The following SNX3 variants were observed in gnomAD, a reference collection of about 807,000 sequenced individuals.
SNX3 encodes sorting nexin 3.
In SNX3, 5 loss-of-function variants were observed where a neutral mutation model predicts 17.7. The observed-to-expected ratio is 0.28, with a 90% confidence interval of 0.15 to 0.59. SNX3 has a LOEUF of 0.59. Among genes scored for constraint, SNX3 ranks in the 20% least tolerant of loss-of-function variants. The probability of loss-of-function intolerance (pLI) is 0.88; values close to 1 mark genes in which losing one functional copy is unlikely to be tolerated. For synonymous variants in SNX3, 91 were observed against 76.5 expected (o/e 1.19, Z -0.99); for missense variants, 132 against 206.8 (o/e 0.64, Z 2.22).
At chr6:108,231,968 T>C (rs1041273181) in intron 1 of SNX3, among the ~76,000 whole-genome samples, 5 of 152,216 alleles carry the variant, frequency 3.3e-5, no homozygotes, top group African/African-American at 9.6e-5. Context: ...ACTTGGATAT[T>C]TGTACTCTTC....
At chr6:108,225,409 C>G (rs574004413) in intron 1 of SNX3, among the ~76,000 whole-genome samples, 1 of 151,244 alleles carries the variant, frequency 6.6e-6, no homozygotes, top group Non-Finnish European at 1.5e-5. Flanking sequence ...CCAGCCTGGG[C>G]AAGAGACCAG....
chr6:108,228,453 GC>G (rs1775038240), intron 1 of SNX3, among the ~76,000 whole-genome samples: 1 of 152,082 alleles, frequency 6.6e-6, no homozygotes. Flanking sequence ...GGATGCTGAG[GC>G]AGAACTGCTT....
intron 1 of SNX3, among the ~76,000 whole-genome samples, chr6:108,248,138 G>C (rs1183259759): frequency 6.6e-6 from 1 of 152,138 alleles, no homozygotes; most frequent in East Asian, 1.9e-4. Flanking sequence ...CCCCTAGCTA[G>C]ACTACTGGCT....
intron 1 of SNX3, among the ~76,000 whole-genome samples, chr6:108,235,070 C>A (rs141500977): frequency 1.2e-4 from 18 of 152,314 alleles, no homozygotes; most frequent in African/African-American, 4.1e-4. Context: ...CTTTGGTAGC[C>A]TACAACAAAC....
intron 1 of SNX3, among the ~76,000 whole-genome samples, chr6:108,249,612 G>C (rs537796798): frequency 1.3e-5 from 2 of 152,164 alleles, no homozygotes; most frequent in South Asian, 4.1e-4. Context: ...TTTCCTTTAT[G>C]TGGGTATTCA....
chr6:108,214,819 G>C (rs1160300100), intron 2 of SNX3, among the ~76,000 whole-genome samples, 197 bp from the exon 3 acceptor site: 1 of 152,176 alleles, frequency 6.6e-6, no homozygotes, highest in East Asian at 1.9e-4. Context: ...TCAGACAAAA[G>C]CTCCTAATTC....
At chr6:108,213,200 T>G (rs573887076) in intron 3 of SNX3, among the ~76,000 whole-genome samples, 2 of 152,116 alleles carry the variant, frequency 1.3e-5, no homozygotes, top group African/African-American at 4.8e-5. Flanking sequence ...GAGTCTATTT[T>G]AAAGAGGAGA....
chr6:108,222,458 C>CCA, intron 2 of SNX3: 1 of 750,008 alleles, frequency 1.3e-6, no homozygotes, highest in South Asian at 1.7e-5. Context: ...TGGATCATGG[C>CCA]CATCATTTAA....
chr6:108,224,203 C>CA (rs1774907312), intron 1 of SNX3, among the ~76,000 whole-genome samples: 1 of 152,148 alleles, frequency 6.6e-6, no homozygotes, highest in Admixed American at 6.5e-5. Context: ...TCCTAGGCTC[C>CA]AGCAATCCTC....
intron 2 of SNX3, among the ~76,000 whole-genome samples, chr6:108,217,057 T>G (rs903049645): frequency 6.6e-6 from 1 of 151,918 alleles, no homozygotes; most frequent in Non-Finnish European, 1.5e-5. Context: ...GAAAAATATC[T>G]GTATCTACAC....
At chr6:108,255,722 T>C (rs1012475534) in intron 1 of SNX3, among the ~76,000 whole-genome samples, 6 of 152,166 alleles carry the variant, frequency 3.9e-5, no homozygotes, top group Non-Finnish European at 7.3e-5. Flanking sequence ...CAAAAATAAG[T>C]CTAAGATTTT....
chr6:108,237,842 A>T (rs1462962348), intron 1 of SNX3, among the ~76,000 whole-genome samples: 1 of 151,570 alleles, frequency 6.6e-6, no homozygotes, highest in Non-Finnish European at 1.5e-5. Context: ...TTGTGTCTGT[A>T]ATCCCAGCAC....
At chr6:108,222,304 G>A in intron 2 of SNX3, 1 of 1,303,912 alleles carries the variant, frequency 7.7e-7, no homozygotes, top group Non-Finnish European at 1.0e-6. Context: ...TGCCTCTGAT[G>A]TCATTCTGAG....
At chr6:108,250,388 G>A (rs932584387) in intron 1 of SNX3, among the ~76,000 whole-genome samples, 2 of 152,102 alleles carry the variant, frequency 1.3e-5, no homozygotes, top group Non-Finnish European at 2.9e-5. Flanking sequence ...GATAATATGG[G>A]AAGAAATGGG....
chr6:108,222,283 C>T (rs1774809434), intron 2 of SNX3: 1 of 1,304,136 alleles, frequency 7.7e-7, no homozygotes. Context: ...CCACGTCCTT[C>T]CATGACTCCT....
intron 1 of SNX3, among the ~76,000 whole-genome samples, chr6:108,259,944 T>C (rs1776139453): frequency 6.6e-6 from 1 of 152,268 alleles, no homozygotes; most frequent in African/African-American, 2.4e-5. Flanking sequence ...TCCTGAATTA[T>C]AGAGTGAAAG....
intron 1 of SNX3, among the ~76,000 whole-genome samples, chr6:108,224,381 C>T (rs147015098): frequency 1.8e-4 from 27 of 152,210 alleles, no homozygotes; most frequent in African/African-American, 4.3e-4. Context: ...CCTGGGTTCA[C>T]GCCATTCTCC....
Position 108,214,521 on chromosome 6 carries a change from T to C in SNX3, c.360A>G (p.Gln120=). The C allele has an allele frequency of 6.2e-7, 1 of 1,613,750 alleles. No homozygotes were observed. Among genetic ancestry groups the C allele is most frequent in the African/African-American group, 1.3e-5 (1 of 75,038 alleles). The part of the protein sequence containing the change: ...FDDNFIEERK[Q]GLEQFINKVA... ...ACTTGTTTATAAACTGCTCCAGCCCTTGTTTTCTTTCCTCAATAAAATTGT... is the reference window on the plus strand; with the variant it reads ...ACTTGTTTATAAACTGCTCCAGCCCCTGTTTTCTTTCCTCAATAAAATTGT... The change falls in exon 3 of 4, where the codon CAA becomes CAG. Residue 120 remains glutamine, a synonymous_variant. Coordinates refer to ENST00000230085, the MANE Select transcript of SNX3 (RefSeq NM_003795.6).
chr6:108,240,760 G>C (rs1775491242), intron 1 of SNX3, among the ~76,000 whole-genome samples: 1 of 152,106 alleles, frequency 6.6e-6, no homozygotes, highest in African/African-American at 2.4e-5. Context: ...GCAATACTGG[G>C]GGCAAGCAAT....
Sources: gnomAD v4.1 joint callset for allele counts (sites outside exome capture counted in the v4.1 genomes callset) on GRCh38, gnomAD v4.1.1 for gene constraint, MANE v1.5 for transcripts, NCBI Gene and HGNC (gene_info 2026-07-23, HGNC 2026-07-21) for gene names.